Variants in CSRNP1 observed in about 807,000 individuals in gnomAD.
The protein encoded by CSRNP1 is cysteine and serine rich nuclear protein 1.
Under a neutral mutation model 25.0 loss-of-function variants are expected in CSRNP1, and 8 were observed. The observed-to-expected ratio is 0.32, with a 90% CI of 0.19 to 0.58. The LOEUF (loss-of-function observed/expected upper bound fraction) is 0.58, where lower values mean the gene tolerates loss of function less well. Ranked by LOEUF, CSRNP1 falls within the 20% of genes least tolerant of loss-of-function variation. The pLI, the probability that CSRNP1 is intolerant of heterozygous loss-of-function variation, is 0.88. For synonymous variants in CSRNP1, 305 were observed against 303.1 expected (o/e 1.01, Z -0.06); for missense variants, 691 against 773.1 (o/e 0.89, Z 1.26).
chr3:39,144,698 CCAGA>C (rs1349905521), intron 3 of CSRNP1, among the ~76,000 whole-genome samples: 1 of 152,102 alleles, frequency 6.6e-6, no homozygotes. Flanking sequence ...CCTTTCCTAA[CCAGA>C]CAGATACGCA....
At chr3:39,150,107 A>G (rs992949277) in intron 1 of CSRNP1, 1 of 152,260 alleles carries the variant, frequency 6.6e-6, no homozygotes, top group Non-Finnish European at 1.5e-5. Flanking sequence ...GGCAGACTTC[A>G]TCAGGCTGAC....
intron 3 of CSRNP1, 70 bp downstream of exon 3, chr3:39,144,927 C>G (rs201210294): frequency 2.7e-5 from 40 of 1,464,276 alleles, no homozygotes; most frequent in African/African-American, 1.4e-5. Flanking sequence ...ACCCCTGGTA[C>G]GCCCACCCCT....
Position 39,145,309 on chromosome 3 carries a change from T to A in CSRNP1, c.206-53A>T. 2.6e-6 allele frequency: 4 copies of A among 1,512,938 alleles called. 1 individual carries two copies. In the South Asian group the frequency reaches 5.3e-5, roughly 20 times the overall value. 93.7% of individuals were successfully genotyped at this position (1,512,938 alleles called of 1,614,324 possible). ...GATTAGTTTTCAGTGAGGCACAACT[T>A]ACCTCCAAAAAGATCATGCCAGACT... On this transcript the variant is annotated intron_variant, in intron 2 of 4. Coordinates refer to ENST00000273153, the MANE Select transcript of CSRNP1 (RefSeq NM_033027.4).
At chr3:39,147,202 T>A (rs1174751441) in intron 1 of CSRNP1, among the ~76,000 whole-genome samples, 1 of 140,996 alleles carries the variant, frequency 7.1e-6, no homozygotes, top group Non-Finnish European at 1.5e-5. Flanking sequence ...ACAGCTTGCA[T>A]CTGTGTGCCT....
chr3:39,147,211 C>CTGTG (rs10679310), intron 1 of CSRNP1, among the ~76,000 whole-genome samples: 27,949 of 148,390 alleles, frequency 0.19, 2,884 homozygotes, highest in African/African-American at 0.28. Flanking sequence ...ATCTGTGTGC[C>CTGTG]TGTGTGTGTG....
Position 39,153,506 on chromosome 3 carries a change from G to A in CSRNP1, c.-109C>T, listed in dbSNP as rs942544002. 4.6e-5 allele frequency: 12 copies of A among 259,932 alleles called. No individual in the cohort carries two copies. Among genetic ancestry groups the A allele is most frequent in the Non-Finnish European group, 9.0e-5 (11 of 122,476 alleles). The allele number at this position is 259,932 out of a possible 1,614,324, so 16.1% of individuals were successfully genotyped here. ...CCCGGCCGGGGACGCCCCCTGCGCC[G>A]CGACTCTGTGCGCTCGGCCCGGCAG... On this transcript the variant is annotated 5_prime_UTR_variant, in exon 1 of 5. Coordinates refer to ENST00000273153, the MANE Select transcript of CSRNP1 (RefSeq NM_033027.4).
chr3:39,143,234 T>C lies in CSRNP1; in HGVS notation c.1591A>G (p.Asn531Asp), dbSNP rs933387373. The C allele has an allele frequency of 6.2e-7, 1 of 1,614,180 alleles. No individual in the cohort carries two copies. ...TSQKVSDSLD[N>D]IEAPHFPLPG... Reference sequence around the variant, plus strand: ...AGGGGGAAGTGAGGTGCCTCGATGTTGTCCAGGCTGTCAGACACCTTCTGT... The same window carrying C: ...AGGGGGAAGTGAGGTGCCTCGATGTCGTCCAGGCTGTCAGACACCTTCTGT... The change falls in exon 5 of 5, where the codon AAC becomes GAC. Residue 531 changes from asparagine to aspartate, a missense_variant. Coordinates refer to ENST00000273153, the MANE Select transcript of CSRNP1 (RefSeq NM_033027.4).
intron 1 of CSRNP1, among the ~76,000 whole-genome samples, chr3:39,147,337 C>A (rs920782659): frequency 6.6e-6 from 1 of 152,148 alleles, no homozygotes; most frequent in African/African-American, 2.4e-5. Context: ...CAAACAGGCA[C>A]GCCACTCTGC....
intron 1 of CSRNP1, chr3:39,150,194 G>A (rs2039562248): frequency 6.6e-6 from 1 of 152,208 alleles, no homozygotes; most frequent in Non-Finnish European, 1.5e-5. Context: ...CCAGTCTATG[G>A]ACTTTCCATT....
Position 39,143,669 on chromosome 3 carries a change from C to T in CSRNP1, c.1156G>A (p.Val386Ile), listed in dbSNP as rs776416873. The T allele has an allele frequency of 3.7e-5, 59 of 1,614,100 alleles. No individual in the cohort carries two copies. The highest frequency in any genetic ancestry group is 4.1e-5 in the Non-Finnish European group (48 of 1,180,050). Residue 386 changes from valine to isoleucine, a missense_variant, in exon 5 of 5, where the codon GTT (valine) becomes ATT (isoleucine). Physicochemically the swap from Val to Ile is conservative, Grantham distance 29 (BLOSUM62 3). Coordinates refer to ENST00000273153, the MANE Select transcript of CSRNP1 (RefSeq NM_033027.4). Reference protein sequence around the residue: ...GLPGPGFQPGVDDDSLARILS... With the variant: ...GLPGPGFQPGIDDDSLARILS... ...ATGCGTGCCAGGCTGTCATCATCAA[C>T]GCCAGGCTGGAAGCCAGGGCCAGGC...
intron 1 of CSRNP1, chr3:39,150,476 G>C (rs2039564933): frequency 6.6e-6 from 1 of 152,462 alleles, no homozygotes; most frequent in East Asian, 1.9e-4. Flanking sequence ...CGACTGGTCA[G>C]TGTGACCTTC....
chr3:39,145,538 C>T (rs1342737006), intron 2 of CSRNP1, among the ~76,000 whole-genome samples: 1 of 152,196 alleles, frequency 6.6e-6, no homozygotes, highest in Non-Finnish European at 1.5e-5. Flanking sequence ...TAGCCATGTA[C>T]AGGTCCTTTG....
chr3:39,147,222 T>TGC (rs1177066252), intron 1 of CSRNP1, among the ~76,000 whole-genome samples: 1 of 121,484 alleles, frequency 8.2e-6, no homozygotes, highest in Non-Finnish European at 1.9e-5. Context: ...TGTGTGTGTG[T>TGC]GTGTGTGTGT....
At chr3:39,147,951 TGAGA>T (rs1484200194) in intron 1 of CSRNP1, among the ~76,000 whole-genome samples, 1 of 152,064 alleles carries the variant, frequency 6.6e-6, no homozygotes, top group East Asian at 1.9e-4. Flanking sequence ...TCACAGGAAA[TGAGA>T]GAGAACAGGA....
rs1222834980 is a variant in CSRNP1 at position 39,145,208 on chromosome 3, G to C, written c.254C>G (p.Ala85Gly). The C allele has an allele frequency of 2.0e-5, 33 of 1,613,422 alleles. No homozygotes were observed. Among genetic ancestry groups the C allele is most frequent in the Non-Finnish European group, 2.8e-5 (33 of 1,179,418 alleles). ...RARRERPGRV[A>G]FDGITVFYFP... ...GTAGAAGACGGTGATCCCATCAAAGGCTACACGGCCTGGGCGCTCCCGGCG... is the reference window on the plus strand; with the variant it reads ...GTAGAAGACGGTGATCCCATCAAAGCCTACACGGCCTGGGCGCTCCCGGCG... Residue 85 changes from alanine to glycine, a missense_variant, in exon 3 of 5, where the codon GCC (alanine) becomes GGC (glycine). By Grantham distance (60) the Ala-to-Gly change is moderately conservative. Coordinates refer to ENST00000273153, the MANE Select transcript of CSRNP1 (RefSeq NM_033027.4).
rs1405557745 is a variant in CSRNP1 at position 39,153,487 on chromosome 3, C to G, written c.-90G>C. The stretch of plus-strand genomic sequence containing the variant: ...ACAACGACGCGACCCGCGTCCCGGC[C>G]GGGGACGCCCCCTGCGCCGCGACTC... On this transcript the variant is annotated 5_prime_UTR_variant, in exon 1 of 5. Transcript: ENST00000273153. The G allele has an allele frequency of 6.4e-6, 2 of 313,280 alleles. No individual in the cohort carries two copies. The highest frequency in any genetic ancestry group is 7.5e-5 in the Admixed American group (2 of 26,694). 19.4% of individuals were successfully genotyped at this position (313,280 alleles called of 1,614,324 possible). A position where few individuals can be genotyped will look rare whatever the true frequency, so the allele number is the denominator to read the frequency against.
chr3:39,146,359 G>C, intron 2 of CSRNP1, 119 bp downstream of exon 2: 1 of 1,274,238 alleles, frequency 7.8e-7, no homozygotes, highest in Non-Finnish European at 1.1e-6. Context: ...TAGCTCATGA[G>C]AGCTACCGCC....
chr3:39,153,330 G>C (rs2039610760), intron 1 of CSRNP1, 108 bp downstream of exon 1: 1 of 161,956 alleles, frequency 6.2e-6, no homozygotes, highest in Non-Finnish European at 1.4e-5. Flanking sequence ...CGCCCGCTCA[G>C]GGTGCCGGGG....
In CSRNP1 at chr3:39,143,518, C is replaced by G. The variant is rs35308289; in HGVS notation, c.1307G>C (p.Gly436Ala). ...ADIFGTSDPGGLASWTHSYSG... is the reference protein window; with the variant it reads ...ADIFGTSDPGALASWTHSYSG... ...ATAGCTGTGGGTCCAGCTGGCCAGG[C>G]CACCAGGGTCACTAGTACCAAAGAT... Residue 436 changes from glycine to alanine, a missense_variant, in exon 5 of 5, where the codon GGC (glycine) becomes GCC (alanine). Physicochemically the swap from Gly to Ala is moderately conservative, Grantham distance 60. Coordinates refer to ENST00000273153, the MANE Select transcript of CSRNP1 (RefSeq NM_033027.4). 3 of 1,614,190 alleles carry G rather than the reference C, an allele frequency of 1.9e-6. No homozygotes were observed. The highest frequency in any genetic ancestry group is 2.2e-5 in the South Asian group (2 of 91,082).
Sources: gnomAD v4.1 joint callset for allele counts (sites outside exome capture counted in the v4.1 genomes callset) on GRCh38, gnomAD v4.1.1 for gene constraint, MANE v1.5 for transcripts, NCBI Gene and HGNC (gene_info 2026-07-23, HGNC 2026-07-21) for gene names.